The following PTPRD variants were observed in gnomAD, a reference collection of about 807,000 sequenced individuals.
PTPRD encodes receptor-type tyrosine-protein phosphatase delta.
PTPRD carries 34 observed loss-of-function variants against 214.5 expected under a neutral mutation model. The ratio of observed to expected loss-of-function variants is 0.16; its 90% CI spans 0.12 to 0.21. PTPRD has a LOEUF of 0.21. Ranked by LOEUF, PTPRD falls within the 10% of genes least tolerant of loss-of-function variation. The probability of loss-of-function intolerance (pLI) is 1.00; values close to 1 mark genes in which losing one functional copy is unlikely to be tolerated. For synonymous variants in PTPRD, 1,128 were observed against 845.7 expected (o/e 1.33, Z -5.79); for missense variants, 2,545 against 2,398.7 (o/e 1.06, Z -1.27).
At chr9:10,525,960 C>T (rs559652102) in intron 2 of PTPRD, among the ~76,000 whole-genome samples, 4 of 152,174 alleles carry the variant, frequency 2.6e-5, no homozygotes, top group Admixed American at 2.6e-4. Flanking sequence ...CGGTTATTTA[C>T]ATTTAAATTA....
At chr9:8,785,926 C>T (rs1399601535) in intron 11 of PTPRD, among the ~76,000 whole-genome samples, 1 of 152,078 alleles carries the variant, frequency 6.6e-6, no homozygotes, top group Non-Finnish European at 1.5e-5. Context: ...AAAGCAAAAT[C>T]TTTTTCCTTT....
intron 3 of PTPRD, among the ~76,000 whole-genome samples, chr9:10,102,970 T>G (rs1033161117): frequency 6.6e-6 from 1 of 151,664 alleles, no homozygotes; most frequent in Admixed American, 6.6e-5. Flanking sequence ...TATCTCTTCT[T>G]CAAAACACAC....
chr9:9,422,845 C>T (rs1220573235), intron 8 of PTPRD, among the ~76,000 whole-genome samples: 2 of 152,102 alleles, frequency 1.3e-5, no homozygotes, highest in Non-Finnish European at 2.9e-5. Flanking sequence ...AGGTAAAAGG[C>T]TATGAACCTA....
chr9:9,814,851 G>A (rs1217218043), intron 5 of PTPRD, among the ~76,000 whole-genome samples: 1 of 139,964 alleles, frequency 7.1e-6, no homozygotes, highest in Non-Finnish European at 1.5e-5. Context: ...ATGGGCTGGA[G>A]TACAGTGGCA....
chr9:9,908,225 T>A (rs1195295584), intron 5 of PTPRD, among the ~76,000 whole-genome samples: 1 of 152,076 alleles, frequency 6.6e-6, no homozygotes, highest in Non-Finnish European at 1.5e-5. Context: ...AATTTACACA[T>A]ATAGAACATT....
intron 37 of PTPRD, among the ~76,000 whole-genome samples, chr9:8,388,995 T>TAC (rs1429263719): frequency 1.3e-5 from 2 of 151,284 alleles, no homozygotes; most frequent in Non-Finnish European, 2.9e-5. Flanking sequence ...TTTTTTTTTT[T>TAC]TTTTTTTACT....
intron 9 of PTPRD, among the ~76,000 whole-genome samples, chr9:9,233,695 C>T (rs1241295497): frequency 6.6e-6 from 1 of 151,722 alleles, no homozygotes; most frequent in Non-Finnish European, 1.5e-5. Context: ...AGAAATAGAC[C>T]AAAAAAAGGG....
In PTPRD at chr9:9,359,563, C is replaced by T. The variant is rs144100469; in HGVS notation, c.-203+37886G>A. Among the ~76,000 whole-genome samples the T allele has an allele frequency of 2.0e-3, 303 of 151,238 alleles. 2 individuals are homozygous for T. Among genetic ancestry groups the T allele is most frequent in the African/African-American group, 6.7e-3 (278 of 41,394 alleles). ...TGGCTGGGATTCAATAATTATTACC[C>T]CTCCCAATTAAACTGAACTTGAAAC... On this transcript the variant is annotated intron_variant, in intron 9 of 45. Coordinates refer to ENST00000381196, the MANE Select transcript of PTPRD (RefSeq NM_002839.4).
At chr9:9,550,314 C>A (rs567310660) in intron 8 of PTPRD, among the ~76,000 whole-genome samples, 32 of 151,312 alleles carry the variant, frequency 2.1e-4, no homozygotes, top group Admixed American at 7.3e-4. Flanking sequence ...TCACATAAAC[C>A]AATTTCTTAT....
At chr9:9,152,591 G>A (rs2099877733) in intron 10 of PTPRD, among the ~76,000 whole-genome samples, 1 of 152,194 alleles carries the variant, frequency 6.6e-6, no homozygotes, top group South Asian at 2.1e-4. Flanking sequence ...TTTATCATTG[G>A]GTGGTGGAGG....
intron 8 of PTPRD, among the ~76,000 whole-genome samples, chr9:9,409,977 T>A (rs373139777): frequency 6.6e-6 from 1 of 152,196 alleles, no homozygotes; most frequent in East Asian, 1.9e-4. Flanking sequence ...CTGACTACCA[T>A]CTTTTACTAC....
intron 10 of PTPRD, among the ~76,000 whole-genome samples, chr9:9,161,676 C>G (rs562453978): frequency 8.3e-4 from 127 of 152,152 alleles, no homozygotes; most frequent in African/African-American, 3.0e-3. Context: ...CTCCTTATGT[C>G]TCCTAGTGAT....
intron 11 of PTPRD, among the ~76,000 whole-genome samples, chr9:8,982,313 C>A (rs1229453565): frequency 6.6e-6 from 1 of 151,946 alleles, no homozygotes; most frequent in African/African-American, 2.4e-5. Flanking sequence ...CATGCGTTAG[C>A]TTCTTTTAGG....
chr9:9,117,133 T>C (rs559985621), intron 10 of PTPRD, among the ~76,000 whole-genome samples: 5 of 152,242 alleles, frequency 3.3e-5, no homozygotes, highest in Non-Finnish European at 5.9e-5. Flanking sequence ...TGAAGTAATT[T>C]TTGAGCTTGT....
At position 9,315,013 on chromosome 9, in the gene PTPRD, A is replaced by G. The variant is rs188983372; in HGVS notation, c.-203+82436T>C. On this transcript the variant is annotated intron_variant, in intron 9 of 45. Transcript: ENST00000381196. ...TATACAATCTCATCACCAAATATTT[A>G]TAATACAACTCACCTAGATTTTATT... Among the ~76,000 whole-genome samples the G allele has an allele frequency of 3.0e-4, 46 of 152,120 alleles. No homozygotes were observed. The East Asian group carries it at 8.3e-3, about 27-fold the overall frequency.
At chr9:9,291,778 C>G (rs919475948) in intron 9 of PTPRD, among the ~76,000 whole-genome samples, 8 of 121,528 alleles carry the variant, frequency 6.6e-5, no homozygotes, top group Non-Finnish European at 1.4e-4. Context: ...TTTAAAGATT[C>G]TTATAATATT....
At chr9:9,512,124 A>C (rs1270946144) in intron 8 of PTPRD, among the ~76,000 whole-genome samples, 2 of 151,844 alleles carry the variant, frequency 1.3e-5, no homozygotes, top group Non-Finnish European at 2.9e-5. Context: ...TAATAAGAGA[A>C]ACAGCTAAGG....
intron 10 of PTPRD, among the ~76,000 whole-genome samples, chr9:9,072,689 T>C (rs933857767): frequency 1.3e-5 from 2 of 152,236 alleles, no homozygotes; most frequent in Admixed American, 6.5e-5. Flanking sequence ...TGTATTACTA[T>C]GATAATCGTC....
chr9:10,134,006 A>G (rs2098923356), intron 3 of PTPRD, among the ~76,000 whole-genome samples: 1 of 152,086 alleles, frequency 6.6e-6, no homozygotes, highest in Admixed American at 6.6e-5. Flanking sequence ...AAATGGGAAT[A>G]TTTTGTTGAG....
Sources: allele counts gnomAD v4.1 joint callset (sites outside exome capture counted in the v4.1 genomes callset), GRCh38; gene constraint gnomAD v4.1.1; transcripts MANE v1.5; gene names NCBI Gene and HGNC (gene_info 2026-07-23, HGNC 2026-07-21).